The following PCDHGA4 variants were observed in gnomAD, a reference collection of about 807,000 sequenced individuals.
PCDHGA4 encodes the protein protocadherin gamma subfamily A, 4.
Under a neutral mutation model 54.6 loss-of-function variants are expected in PCDHGA4, and 38 were observed. That is an observed-to-expected ratio of 0.70 (90% CI 0.54 to 0.91). The LOEUF (loss-of-function observed/expected upper bound fraction) is 0.91, where lower values mean the gene tolerates loss of function less well. PCDHGA4 is among the 40% of genes least tolerant of loss of function. PCDHGA4 has a pLI of 0.00. For missense variants in PCDHGA4, 1,298 were observed against 1,220.9 expected (o/e 1.06, Z -0.94); for synonymous variants, 511 against 512.9 (o/e 1.00, Z 0.05).
At position 141,491,942 on chromosome 5, in the gene PCDHGA4, C is replaced by T. The variant is rs932715298; in HGVS notation, c.2515-2865C>T. 6.4e-5 allele frequency: 72 copies of T among 1,122,376 alleles called. No individual in the cohort carries two copies. Among genetic ancestry groups the T allele is most frequent in the Admixed American group, 3.5e-5 (1 of 28,738 alleles). 69.5% of individuals were successfully genotyped at this position (1,122,376 alleles called of 1,614,324 possible). A position where few individuals can be genotyped will look rare whatever the true frequency, so the allele number is the denominator to read the frequency against. ...GGCGAGGGGAGGTGGGACCGACCCC[C>T]ACCCCTACACTCAAAAAAGGCCGGG... is the stretch of plus-strand genomic sequence containing the variant. On this transcript the variant is annotated intron_variant, in intron 1 of 3. Transcript: ENST00000571252. The surrounding 1 kb of genome is among the most constrained non-coding windows in gnomAD (Gnocchi z 6.9).
intron 1 of PCDHGA4, chr5:141,360,527 C>G (rs763036184): frequency 1.2e-6 from 2 of 1,613,910 alleles, no homozygotes; most frequent in East Asian, 4.5e-5. Context: ...GATAATACCC[C>G]GCTATTCAAA....
At chr5:141,363,972 A>G (rs2149852244) in intron 1 of PCDHGA4, among the ~76,000 whole-genome samples, 1 of 152,370 alleles carries the variant, frequency 6.6e-6, no homozygotes, top group Admixed American at 6.5e-5. Context: ...AAGTCTTGCT[A>G]TTCAGAATTA....
intron 1 of PCDHGA4, chr5:141,371,738 C>T: frequency 1.2e-6 from 2 of 1,614,052 alleles, no homozygotes; most frequent in Non-Finnish European, 1.7e-6. Context: ...TCAACGACAA[C>T]GTTCCCGTTT....
chr5:141,445,035 T>C (rs1438748354), intron 1 of PCDHGA4, among the ~76,000 whole-genome samples: 1 of 152,208 alleles, frequency 6.6e-6, no homozygotes, highest in Admixed American at 6.5e-5. Flanking sequence ...CTATGTTGTA[T>C]AGTTTTCAGT....
At chr5:141,466,180 A>T (rs566514149) in intron 1 of PCDHGA4, among the ~76,000 whole-genome samples, 100 of 151,254 alleles carry the variant, frequency 6.6e-4, no homozygotes, top group African/African-American at 2.1e-3. Context: ...TTTTATTTTT[A>T]TTTTTTTTCA....
chr5:141,435,979 C>T (rs1036607924), intron 1 of PCDHGA4, among the ~76,000 whole-genome samples: 4 of 152,008 alleles, frequency 2.6e-5, no homozygotes, highest in Non-Finnish European at 5.9e-5. Flanking sequence ...TGTGGTTCTA[C>T]TTGTGTGATT....
At chr5:141,470,851 A>G (rs1410012138) in intron 1 of PCDHGA4, among the ~76,000 whole-genome samples, 2 of 151,876 alleles carry the variant, frequency 1.3e-5, no homozygotes, top group Non-Finnish European at 2.9e-5. Context: ...CCATGCTCAG[A>G]TAAGTTTTTT....
Position 141,489,331 on chromosome 5 carries a change from C to G in PCDHGA4, c.2515-5476C>G. ...CTGCTGGGGCTGGGTGTCTGGGCAG[C>G]TTCGTTACTCAGTGGTGGAGGAGTC... On this transcript the variant is annotated intron_variant, in intron 1 of 3. Coordinates refer to ENST00000571252, the MANE Select transcript of PCDHGA4 (RefSeq NM_018917.4). The surrounding 1 kb of genome is among the most constrained non-coding windows in gnomAD (Gnocchi z 4.5). 1 of 1,605,478 alleles carries G rather than the reference C, an allele frequency of 6.2e-7. No homozygotes were observed. Among genetic ancestry groups the G allele is most frequent in the Non-Finnish European group, 8.5e-7 (1 of 1,174,878 alleles).
At position 141,357,339 on chromosome 5, in the gene PCDHGA4, A is replaced by C. The variant is rs771047184; in HGVS notation, c.2232A>C (p.Ala744=). 2 of 1,613,868 alleles carry C rather than the reference A, an allele frequency of 1.2e-6. No homozygotes were observed. Among genetic ancestry groups the C allele is most frequent in the Non-Finnish European group, 1.7e-6 (2 of 1,179,938 alleles). ...TGGCTTTTGTCACGGTGCTGCTAGC[A>C]CTCAAGCTGAGACGCTGGCACAAGT... ...VFLAFVTVLL[A]LKLRRWHKSR... is the part of the protein sequence containing the mutation. Residue 744 remains alanine, a synonymous_variant, in exon 1 of 4, where the codon GCA becomes GCC. Transcript: ENST00000571252.
rs376466215 is a variant in PCDHGA4, at chr5:141,390,102, A to G, written c.2514+32481A>G. ...TAAATCCGAATCCGTGGTTCCCCCC[A>G]ACTACAGCGAGGGGACTTTGCCTTA... is the stretch of plus-strand genomic sequence containing the variant. On this transcript the variant is annotated intron_variant, in intron 1 of 3. Transcript: ENST00000571252. The G allele has an allele frequency of 4.3e-6, 7 of 1,613,886 alleles. No homozygotes were observed. The African/African-American group carries it at 6.7e-5, about 15-fold the overall frequency.
chr5:141,361,556 T>A, intron 1 of PCDHGA4: 1 of 1,614,058 alleles, frequency 6.2e-7, no homozygotes, highest in Non-Finnish European at 8.5e-7. Flanking sequence ...ATCGCTCAAA[T>A]CAGTGCCTCT....
At chr5:141,416,387 A>T (rs1229066765) in intron 1 of PCDHGA4, 1 of 152,190 alleles carries the variant, frequency 6.6e-6, no homozygotes, top group Admixed American at 6.5e-5. Context: ...AATATTTGGG[A>T]TTCTGCTTTT....
chr5:141,374,944 G>A (rs1405459227), intron 1 of PCDHGA4: 6 of 1,614,018 alleles, frequency 3.7e-6, no homozygotes, highest in Non-Finnish European at 5.1e-6. Context: ...TTACAGAAAA[G>A]ATCTCACAAA....
rs1594492695 is a variant in PCDHGA4 at position 141,485,536 on chromosome 5, A to G, written c.2515-9271A>G. On this transcript the variant is annotated intron_variant, in intron 1 of 3. Transcript: ENST00000571252. The surrounding 1 kb of genome is among the most constrained non-coding windows in gnomAD (Gnocchi z 5.7). ...CTTTGGAAATGTACCGAGCAGAGGTAGAGATCGTAGATGTGAATGATCACG... is the reference window on the plus strand; with the variant it reads ...CTTTGGAAATGTACCGAGCAGAGGTGGAGATCGTAGATGTGAATGATCACG... 3 of 1,613,976 alleles carry G rather than the reference A, an allele frequency of 1.9e-6. No homozygotes were observed. The highest frequency in any genetic ancestry group is 2.5e-6 in the Non-Finnish European group (3 of 1,179,946).
intron 1 of PCDHGA4, among the ~76,000 whole-genome samples, chr5:141,425,111 A>G (rs2096857405): frequency 6.6e-6 from 1 of 152,144 alleles, no homozygotes; most frequent in Admixed American, 6.5e-5. Context: ...AGATGCCTAC[A>G]TTTTTCTTGA....
Position 141,432,211 on chromosome 5 carries a change from C to T in PCDHGA4, c.2515-62596C>T. 6.2e-7 allele frequency: 1 copy of T among 1,614,232 alleles called. No homozygotes were observed. The highest frequency in any genetic ancestry group is 8.5e-7 in the Non-Finnish European group (1 of 1,180,044). On this transcript the variant is annotated intron_variant, in intron 1 of 3. Coordinates refer to ENST00000571252, the MANE Select transcript of PCDHGA4 (RefSeq NM_018917.4). The surrounding 1 kb of genome is among the most constrained non-coding windows in gnomAD (Gnocchi z 6.0). ...CCCACGACCCCGACTGTGAAGAGAA[C>T]GCCCAGATCACTTATTCCCTGGCTG... is the stretch of plus-strand genomic sequence containing the variant.
Position 141,511,409 on chromosome 5 carries a change from G to C in PCDHGA4, c.*236G>C, listed in dbSNP as rs999907393. On this transcript the variant is annotated 3_prime_UTR_variant, in exon 4 of 4. Coordinates refer to ENST00000571252, the MANE Select transcript of PCDHGA4 (RefSeq NM_018917.4). Reference sequence around the variant, plus strand: ...GGGAACCCCCATCCAATCAACTGCTGTACCCATGGGGGTAGTGGGGTTACT... The same window carrying C: ...GGGAACCCCCATCCAATCAACTGCTCTACCCATGGGGGTAGTGGGGTTACT... The C allele has an allele frequency of 1.1e-6, 1 of 908,516 alleles. No homozygotes were observed. The highest frequency in any genetic ancestry group is 1.7e-5 in the African/African-American group (1 of 59,504). The allele number at this position is 908,516 out of a possible 1,614,324, so 56.3% of individuals were successfully genotyped here.
intron 1 of PCDHGA4, chr5:141,405,178 T>C (rs769150671): frequency 3.1e-6 from 5 of 1,613,890 alleles, no homozygotes; most frequent in African/African-American, 2.7e-5. Flanking sequence ...ACTTTGTGGG[T>C]GTAGATGGGG....
At chr5:141,482,611 G>A (rs1016481108) in intron 1 of PCDHGA4, among the ~76,000 whole-genome samples, 3 of 150,398 alleles carry the variant, frequency 2.0e-5, no homozygotes, top group African/African-American at 7.4e-5. Context: ...ACACCTAAAT[G>A]AGCCTGGAGA....
Sources: allele counts gnomAD v4.1 joint callset (sites outside exome capture counted in the v4.1 genomes callset), GRCh38; gene constraint gnomAD v4.1.1; non-coding constraint Gnocchi (gnomAD v3.1); transcripts MANE v1.5; gene names NCBI Gene and HGNC (gene_info 2026-07-23, HGNC 2026-07-21).